Variants in SOX6 observed in about 807,000 individuals in gnomAD.
The protein encoded by SOX6 is SRY-box transcription factor 6, also known as transcription factor SOX-6.
In SOX6, 11 loss-of-function variants were observed where a neutral mutation model predicts 97.8. The observed-to-expected ratio is 0.11, with a 90% CI of 0.07 to 0.19. The LOEUF is 0.19. Among genes scored for constraint, SOX6 ranks in the 10% least tolerant of loss-of-function variants. SOX6 has a pLI of 1.00. For missense variants in SOX6, 810 were observed against 1,039.5 expected (o/e 0.78, Z 3.04); for synonymous variants, 360 against 371.4 (o/e 0.97, Z 0.35).
intron 3 of SOX6, among the ~76,000 whole-genome samples, chr11:16,707,344 A>G (rs1160175287): frequency 1.3e-5 from 2 of 152,182 alleles, no homozygotes; most frequent in African/African-American, 4.8e-5. Flanking sequence ...GTTAAAAAAA[A>G]AAAAGCAGAA....
chr11:16,118,546 C>T (rs1395823851), intron 6 of SOX6, among the ~76,000 whole-genome samples: 1 of 152,186 alleles, frequency 6.6e-6, no homozygotes, highest in Non-Finnish European at 1.5e-5. Context: ...ATTAAAGATA[C>T]ATGAATGGGC....
intron 4 of SOX6, among the ~76,000 whole-genome samples, chr11:16,193,720 T>G (rs1468575434): frequency 6.6e-6 from 1 of 152,116 alleles, no homozygotes; most frequent in African/African-American, 2.4e-5. Flanking sequence ...ATCAAGGAAC[T>G]CAGCCAACAA....
intron 1 of SOX6, among the ~76,000 whole-genome samples, chr11:16,404,497 G>T (rs1391258273): frequency 6.6e-6 from 1 of 151,752 alleles, no homozygotes; most frequent in Non-Finnish European, 1.5e-5. Flanking sequence ...TTCTTAACAT[G>T]TTATCAATAG....
chr11:16,033,235 G>T (rs1855430007), intron 12 of SOX6, among the ~76,000 whole-genome samples: 1 of 152,132 alleles, frequency 6.6e-6, no homozygotes. Context: ...ATATTTATTT[G>T]CATCTACCTT....
chr11:16,419,389 A>C (rs1800620322), intron 1 of SOX6, among the ~76,000 whole-genome samples: 1 of 152,132 alleles, frequency 6.6e-6, no homozygotes, highest in African/African-American at 2.4e-5. Context: ...CTAGTAAAAA[A>C]ATCATATTTC....
intron 4 of SOX6, among the ~76,000 whole-genome samples, chr11:16,206,750 C>T (rs1024463947): frequency 6.6e-5 from 10 of 152,012 alleles, no homozygotes; most frequent in African/African-American, 1.2e-4. Flanking sequence ...ACAAAAGTAG[C>T]GTAATATAGA....
intron 3 of SOX6, among the ~76,000 whole-genome samples, chr11:16,703,628 CCTCT>C (rs1022909589): frequency 6.6e-6 from 1 of 151,866 alleles, no homozygotes; most frequent in Non-Finnish European, 1.5e-5. Context: ...GGCTTTTACC[CCTCT>C]CTCTCATCAA....
At chr11:16,533,703 C>T (rs1032093596) in intron 4 of SOX6, among the ~76,000 whole-genome samples, 4 of 151,918 alleles carry the variant, frequency 2.6e-5, no homozygotes, top group African/African-American at 9.7e-5. Flanking sequence ...AGATAATAAA[C>T]AAAACCTAAA....
At chr11:16,301,720 G>C (rs969108412) in intron 3 of SOX6, among the ~76,000 whole-genome samples, 1 of 152,046 alleles carries the variant, frequency 6.6e-6, no homozygotes, top group Non-Finnish European at 1.5e-5. Context: ...TATGGACCAA[G>C]TTTGATGCAA....
At chr11:16,032,900 C>G (rs552989663) in intron 12 of SOX6, among the ~76,000 whole-genome samples, 1 of 152,286 alleles carries the variant, frequency 6.6e-6, no homozygotes, top group East Asian at 1.9e-4. Flanking sequence ...TCAAGTCTCT[C>G]CTCTTCTACA....
chr11:16,332,066 A>G (rs2134325375), intron 2 of SOX6, among the ~76,000 whole-genome samples: 1 of 152,328 alleles, frequency 6.6e-6, no homozygotes, highest in Admixed American at 6.5e-5. Context: ...TAATTTCAGA[A>G]AGCAAAAGAA....
At chr11:16,587,981 T>G (rs1848113431) in intron 4 of SOX6, among the ~76,000 whole-genome samples, 1 of 152,190 alleles carries the variant, frequency 6.6e-6, no homozygotes, top group Non-Finnish European at 1.5e-5. Flanking sequence ...CTTTCTAAAG[T>G]TCTCATTAGA....
intron 3 of SOX6, among the ~76,000 whole-genome samples, chr11:16,686,429 A>G (rs1847970015): frequency 6.6e-6 from 1 of 152,080 alleles, no homozygotes; most frequent in Admixed American, 6.6e-5. Flanking sequence ...AGATACCCCT[A>G]TGTCATCACT....
At chr11:16,639,837 C>T (rs1255247419) in intron 3 of SOX6, among the ~76,000 whole-genome samples, 2 of 152,140 alleles carry the variant, frequency 1.3e-5, no homozygotes, top group African/African-American at 2.4e-5. Context: ...TCTAGATATA[C>T]AATCATGTCA....
intron 6 of SOX6, among the ~76,000 whole-genome samples, chr11:16,163,152 T>A (rs1850797532): frequency 6.6e-6 from 1 of 152,020 alleles, no homozygotes; most frequent in African/African-American, 2.4e-5. Flanking sequence ...AAAGAAAATA[T>A]CTCATACAGA....
chr11:16,692,086 TGTGC>T (rs772789357), intron 3 of SOX6, among the ~76,000 whole-genome samples: 48 of 128,256 alleles, frequency 3.7e-4, no homozygotes, highest in African/African-American at 1.1e-3. Context: ...TGTGTGTGTG[TGTGC>T]GCGCGCGCGC....
intron 9 of SOX6, among the ~76,000 whole-genome samples, chr11:16,090,239 A>G (rs977892603): frequency 6.6e-6 from 1 of 152,104 alleles, no homozygotes; most frequent in Non-Finnish European, 1.5e-5. Flanking sequence ...ATAGAGGACT[A>G]CATTGGTTTT....
intron 12 of SOX6, among the ~76,000 whole-genome samples, chr11:16,026,537 C>A (rs181960797): frequency 6.6e-6 from 1 of 152,280 alleles, no homozygotes; most frequent in East Asian, 1.9e-4. Flanking sequence ...GGCACTAGCC[C>A]AGAATACATC....
intron 6 of SOX6, among the ~76,000 whole-genome samples, chr11:16,148,166 ACAGT>A (rs1850362134): frequency 6.6e-6 from 1 of 152,230 alleles, no homozygotes; most frequent in Non-Finnish European, 1.5e-5. Context: ...TTTAAAGACA[ACAGT>A]CTAAGGCAAT....
Sources: allele counts gnomAD v4.1 joint callset (sites outside exome capture counted in the v4.1 genomes callset), GRCh38; gene constraint gnomAD v4.1.1; transcripts MANE v1.5; gene names NCBI Gene and HGNC (gene_info 2026-07-23, HGNC 2026-07-21).